The following LUZP2 variants were observed in gnomAD, a reference collection of about 807,000 sequenced individuals.
LUZP2 encodes leucine zipper protein 2.
In LUZP2, 52 loss-of-function variants were observed where a neutral mutation model predicts 51.6. The ratio of observed to expected loss-of-function variants is 1.01; its 90% confidence interval spans 0.81 to 1.27. The LOEUF is 1.27. Among genes scored for constraint, LUZP2 ranks in the 50% most tolerant of loss-of-function variants. The pLI is 0.00. For synonymous variants in LUZP2, 154 were observed against 137.3 expected (o/e 1.12, Z -0.85); for missense variants, 436 against 395.4 (o/e 1.10, Z -0.87).
chr11:24,991,947 C>T (rs1856359872), intron 9 of LUZP2, among the ~76,000 whole-genome samples: 1 of 151,882 alleles, frequency 6.6e-6, no homozygotes, highest in South Asian at 2.1e-4. Flanking sequence ...TGTTTGAGTT[C>T]ATTGTAGATT....
At chr11:24,638,389 A>T (rs1855174031) in intron 1 of LUZP2, among the ~76,000 whole-genome samples, 1 of 151,758 alleles carries the variant, frequency 6.6e-6, no homozygotes, top group South Asian at 2.1e-4. Context: ...TTGACTAAAA[A>T]TATAGTTTTT....
intron 5 of LUZP2, among the ~76,000 whole-genome samples, chr11:24,801,467 C>A (rs2134116534): frequency 6.6e-6 from 1 of 151,876 alleles, no homozygotes; most frequent in East Asian, 1.9e-4. Context: ...TATATGAATA[C>A]TATAATATTA....
intron 1 of LUZP2, among the ~76,000 whole-genome samples, chr11:24,678,500 G>A (rs1049832735): frequency 6.6e-6 from 1 of 151,442 alleles, no homozygotes; most frequent in Admixed American, 6.6e-5. Flanking sequence ...TTGACACTCT[G>A]AATTAAACAC....
At chr11:24,595,181 G>A (rs199936950) in intron 1 of LUZP2, among the ~76,000 whole-genome samples, 18 of 143,996 alleles carry the variant, frequency 1.3e-4, no homozygotes, top group African/African-American at 1.3e-4. Flanking sequence ...ATTAGATTCT[G>A]AAAAAAAAAA....
rs115225905 is a variant in LUZP2 at position 24,824,457 on chromosome 11, A to G, written c.396+61149A>G. Among the ~76,000 whole-genome samples the G allele has an allele frequency of 5.8e-3, 874 of 150,580 alleles. 10 individuals are homozygous for G. The highest frequency in any genetic ancestry group is 0.02 in the African/African-American group (831 of 41,266). Reference sequence around the variant, plus strand: ...GTATTTCTGTTAGGGAAAACATGTAATATTTGAGAAGGAACCGTCAAGACA... The same window carrying G: ...GTATTTCTGTTAGGGAAAACATGTAGTATTTGAGAAGGAACCGTCAAGACA... On this transcript the variant is annotated intron_variant, in intron 5 of 11. Transcript: ENST00000336930.
In LUZP2 at chr11:24,738,302, T is replaced by C. The variant is rs1859017349; in HGVS notation, c.333T>C (p.Thr111=). The C allele has an allele frequency of 1.9e-6, 3 of 1,609,002 alleles. No homozygotes were observed. Among genetic ancestry groups the C allele is most frequent in the East Asian group, 2.2e-5 (1 of 44,792 alleles). Reference sequence around the variant, plus strand: ...AGAAAGCAGAAAAACACCAGGCTACTGTAAGTGTGTTTCTTCTTTGTGCCT... The same window carrying C: ...AGAAAGCAGAAAAACACCAGGCTACCGTAAGTGTGTTTCTTCTTTGTGCCT... The part of the protein sequence containing the change: ...TSEKAEKHQA[T]INFLKTEVER... Residue 111 remains threonine (T), a splice_region_variant and synonymous_variant, in exon 4 of 12, where the codon ACT becomes ACC. Coordinates refer to ENST00000336930, the MANE Select transcript of LUZP2 (RefSeq NM_001009909.4).
chr11:24,622,889 C>T (rs957030299), intron 1 of LUZP2, among the ~76,000 whole-genome samples: 22 of 152,160 alleles, frequency 1.4e-4, no homozygotes, highest in African/African-American at 5.1e-4. Context: ...TTTAGGCAAA[C>T]TGTCTTTTTT....
intron 9 of LUZP2, among the ~76,000 whole-genome samples, chr11:25,042,995 T>A (rs1023431340): frequency 6.6e-6 from 1 of 152,272 alleles, no homozygotes; most frequent in African/African-American, 2.4e-5. Flanking sequence ...CTGGTAGAAT[T>A]AGTGTTATTG....
At chr11:24,799,709 C>T (rs923849829) in intron 5 of LUZP2, among the ~76,000 whole-genome samples, 2 of 152,110 alleles carry the variant, frequency 1.3e-5, no homozygotes, top group African/African-American at 4.8e-5. Context: ...GCCTAAGTTT[C>T]CTCATCCAAA....
At chr11:25,039,782 T>C (rs1857982616) in intron 9 of LUZP2, among the ~76,000 whole-genome samples, 1 of 152,330 alleles carries the variant, frequency 6.6e-6, no homozygotes, top group Non-Finnish European at 1.5e-5. Context: ...TATTTTGTAA[T>C]TTTTAAAATT....
At chr11:24,706,728 G>T (rs1194870578) in intron 1 of LUZP2, among the ~76,000 whole-genome samples, 1 of 152,042 alleles carries the variant, frequency 6.6e-6, no homozygotes, top group Non-Finnish European at 1.5e-5. Flanking sequence ...TTAATCTACT[G>T]GTAGATATTT....
intron 1 of LUZP2, among the ~76,000 whole-genome samples, chr11:24,587,563 T>G (rs529496545): frequency 6.6e-6 from 1 of 152,236 alleles, no homozygotes; most frequent in African/African-American, 2.4e-5. Context: ...GGTGATAGTC[T>G]CCTTCAGTTT....
chr11:24,817,463 G>T (rs915480360), intron 5 of LUZP2, among the ~76,000 whole-genome samples: 1 of 151,960 alleles, frequency 6.6e-6, no homozygotes, highest in Admixed American at 6.6e-5. Flanking sequence ...TCTCAGAGAG[G>T]TACAAGAGCC....
At chr11:24,907,117 G>A (rs1853478788) in intron 6 of LUZP2, among the ~76,000 whole-genome samples, 1 of 151,994 alleles carries the variant, frequency 6.6e-6, no homozygotes, top group Admixed American at 6.6e-5. Flanking sequence ...GTCCACCCAG[G>A]AAATAGTCTC....
At chr11:24,777,148 C>A (rs1362627751) in intron 5 of LUZP2, among the ~76,000 whole-genome samples, 1 of 152,050 alleles carries the variant, frequency 6.6e-6, no homozygotes, top group East Asian at 1.9e-4. Flanking sequence ...GCGCCACCAC[C>A]ACGCCTGGCT....
chr11:24,516,374 T>C (rs1850461330), intron 1 of LUZP2, among the ~76,000 whole-genome samples: 2 of 152,250 alleles, frequency 1.3e-5, no homozygotes, highest in African/African-American at 4.8e-5. Flanking sequence ...TTTATTCAAG[T>C]AAAAATCTGG....
At chr11:24,871,221 A>T (rs936811576) in intron 5 of LUZP2, among the ~76,000 whole-genome samples, 5 of 152,124 alleles carry the variant, frequency 3.3e-5, no homozygotes, top group African/African-American at 1.2e-4. Flanking sequence ...TTAAATTTTT[A>T]AAAATGAATT....
chr11:25,065,964 GT>G (rs1858986858), intron 10 of LUZP2, among the ~76,000 whole-genome samples: 1 of 151,892 alleles, frequency 6.6e-6, no homozygotes, highest in South Asian at 2.1e-4. Context: ...CATCTTCTCT[GT>G]CTGCCTCTGC....
chr11:24,897,793 T>C (rs1288422380), intron 5 of LUZP2, among the ~76,000 whole-genome samples: 4 of 152,222 alleles, frequency 2.6e-5, no homozygotes, highest in African/African-American at 9.6e-5. Context: ...TTTATGTTTT[T>C]GTCCTTTTTT....
Sources: allele counts gnomAD v4.1 joint callset (sites outside exome capture counted in the v4.1 genomes callset), GRCh38; gene constraint gnomAD v4.1.1; transcripts MANE v1.5; gene names NCBI Gene and HGNC (gene_info 2026-07-23, HGNC 2026-07-21).